YEATS2: variants seen among roughly 807,000 people sequenced by gnomAD.
YEATS2 encodes YEATS domain-containing protein 2.
Under a neutral mutation model 163.2 loss-of-function variants are expected in YEATS2, and 77 were observed. That is an observed-to-expected ratio of 0.47 (90% confidence interval 0.39 to 0.57). The LOEUF (loss-of-function observed/expected upper bound fraction) is 0.57, where lower values mean the gene tolerates loss of function less well. YEATS2 is among the 20% of genes least tolerant of loss of function. YEATS2 has a pLI of 0.00. For missense variants in YEATS2, 1,549 were observed against 1,729.8 expected (o/e 0.90, Z 1.85); for synonymous variants, 631 against 645.1 (o/e 0.98, Z 0.33).
chr3:183,762,411 T>C, intron 15 of YEATS2, 132 bp downstream of exon 15: 1 of 1,130,292 alleles, frequency 8.8e-7, no homozygotes, highest in African/African-American at 1.6e-5. Flanking sequence ...AAAGCCTAGT[T>C]GGAAAAACAA....
chr3:183,799,821 T>G (rs1170976254), intron 23 of YEATS2, among the ~76,000 whole-genome samples: 3 of 150,980 alleles, frequency 2.0e-5, no homozygotes, highest in African/African-American at 4.9e-5. Flanking sequence ...AGCATTGTTT[T>G]TTTTTTTTTT....
chr3:183,749,731 T>C (rs968917212), intron 9 of YEATS2, among the ~76,000 whole-genome samples: 2 of 152,184 alleles, frequency 1.3e-5, no homozygotes, highest in Non-Finnish European at 1.5e-5. Context: ...CCTCCTGGGC[T>C]CAAGTAATCT....
chr3:183,763,410 A>G (rs1721579822), intron 15 of YEATS2, among the ~76,000 whole-genome samples: 4 of 152,240 alleles, frequency 2.6e-5, no homozygotes, highest in Admixed American at 2.6e-4. Flanking sequence ...CACTGTTAAT[A>G]TATGCAGTCT....
At chr3:183,791,859 G>C (rs569737475) in intron 21 of YEATS2, among the ~76,000 whole-genome samples, 1 of 152,312 alleles carries the variant, frequency 6.6e-6, no homozygotes, top group Admixed American at 6.5e-5. Context: ...GAGTAACAGA[G>C]AGCACACATC....
At chr3:183,744,937 A>G (rs1243907683) in intron 8 of YEATS2, among the ~76,000 whole-genome samples, 1 of 151,866 alleles carries the variant, frequency 6.6e-6, no homozygotes, top group Admixed American at 6.6e-5. Flanking sequence ...TGCAACCTCT[A>G]CCTTCTGGGC....
At chr3:183,738,244 A>G (rs1459827598) in intron 8 of YEATS2, among the ~76,000 whole-genome samples, 1 of 152,136 alleles carries the variant, frequency 6.6e-6, no homozygotes, top group Admixed American at 6.6e-5. Context: ...CAAGTGTTGA[A>G]GTAGAAGGAA....
chr3:183,738,016 T>C (rs1366301158), intron 8 of YEATS2, among the ~76,000 whole-genome samples: 4 of 152,168 alleles, frequency 2.6e-5, no homozygotes, highest in African/African-American at 9.7e-5. Context: ...TAAATCTGTT[T>C]TGATGATCCT....
At chr3:183,757,206 A>G (rs1005091515) in intron 12 of YEATS2, among the ~76,000 whole-genome samples, 2 of 152,168 alleles carry the variant, frequency 1.3e-5, no homozygotes, top group African/African-American at 4.8e-5. Context: ...CTGTAATCCC[A>G]TGCTTTTTAG....
chr3:183,728,954 T>A, intron 7 of YEATS2, 103 bp downstream of exon 7: 1 of 1,267,260 alleles, frequency 7.9e-7, no homozygotes, highest in Non-Finnish European at 1.1e-6. Flanking sequence ...AATGCAGTAG[T>A]AATTGAGAAT....
intron 22 of YEATS2, 106 bp from the exon 23 acceptor site, chr3:183,798,785 C>G: frequency 1.2e-6 from 1 of 845,022 alleles, no homozygotes; most frequent in Non-Finnish European, 2.0e-6. Context: ...CCTCAAGTTG[C>G]CTTTGTGCTG....
At position 183,712,341 on chromosome 3, in the gene YEATS2, T is replaced by C. The variant is rs1577038182; in HGVS notation, c.-19-2803T>C. Among the ~76,000 whole-genome samples the C allele has an allele frequency of 2.0e-5, 3 of 151,746 alleles. No individual in the cohort carries two copies. The South Asian group carries it at 6.3e-4, about 32-fold the overall frequency. On this transcript the variant is annotated intron_variant, in intron 1 of 30. Coordinates refer to ENST00000305135, the MANE Select transcript of YEATS2 (RefSeq NM_018023.5). ...CTCATGCCTCAGCGTCCTGAGTAGC[T>C]GGGATTACTGGCATGAGCCACCATG...
At chr3:183,795,455 ATTTTTT>A (rs573338439) in intron 21 of YEATS2, among the ~76,000 whole-genome samples, 3 of 79,936 alleles carry the variant, frequency 3.8e-5, no homozygotes, top group Middle Eastern at 8.8e-3. Context: ...CACGGGACTA[ATTTTTT>A]TTTTTTTTTT....
chr3:183,706,561 T>G (rs939118192), intron 1 of YEATS2, among the ~76,000 whole-genome samples: 13 of 152,230 alleles, frequency 8.5e-5, no homozygotes, highest in African/African-American at 2.4e-4. Flanking sequence ...TTATTAAGAT[T>G]AGTGGAGCAC....
At chr3:183,782,018 T>C (rs145418682) in intron 19 of YEATS2, among the ~76,000 whole-genome samples, 45 of 152,358 alleles carry the variant, frequency 3.0e-4, no homozygotes, top group African/African-American at 1.0e-3. Context: ...TAGTCTTTTA[T>C]GTCTGGCTTC....
intron 1 of YEATS2, among the ~76,000 whole-genome samples, chr3:183,704,604 A>G (rs1714430833): frequency 1.3e-5 from 2 of 152,046 alleles, no homozygotes; most frequent in South Asian, 4.2e-4. Flanking sequence ...GACTTTCTTC[A>G]TATCTTACTG....
chr3:183,762,034 T>C, intron 14 of YEATS2, 63 bp from the exon 15 acceptor site: 3 of 1,605,194 alleles, frequency 1.9e-6, no homozygotes, highest in South Asian at 1.1e-5. Context: ...AGTCAGATAT[T>C]AGCAGCTTTA....
chr3:183,698,149 G>T (rs571775090), intron 1 of YEATS2, among the ~76,000 whole-genome samples, 156 bp downstream of exon 1: 2 of 152,034 alleles, frequency 1.3e-5, no homozygotes, highest in African/African-American at 4.8e-5. Flanking sequence ...GCCGAGGGGA[G>T]GGCAGGGAGG....
rs754762272 is a variant in YEATS2 at position 183,715,250 on chromosome 3, A to G, written c.88A>G (p.Ile30Val). Residue 30 changes from isoleucine (I) to valine (V), a missense_variant, in exon 2 of 31, where the codon ATT (isoleucine) becomes GTT (valine). Transcript: ENST00000305135. ...CCTTCCAAATAAGCGGCATAAAGCA[A>G]TTGAGAATTCAGGTAGAAATCCTGC... is the stretch of plus-strand genomic sequence containing the variant. ...VALPNKRHKAIENSARDAAVQ... is the reference protein window; with the variant it reads ...VALPNKRHKAVENSARDAAVQ... The G allele has an allele frequency of 6.2e-7, 1 of 1,607,944 alleles. No individual in the cohort carries two copies. The highest frequency in any genetic ancestry group is 8.5e-7 in the Non-Finnish European group (1 of 1,178,682).
At chr3:183,774,425 C>T (rs1215582094) in intron 17 of YEATS2, among the ~76,000 whole-genome samples, 1 of 152,144 alleles carries the variant, frequency 6.6e-6, no homozygotes, top group Admixed American at 6.5e-5. Flanking sequence ...AAACCACCCC[C>T]CGCCTCCTGT....
Sources: gnomAD v4.1 joint callset for allele counts (sites outside exome capture counted in the v4.1 genomes callset) on GRCh38, gnomAD v4.1.1 for gene constraint, MANE v1.5 for transcripts, NCBI Gene and HGNC (gene_info 2026-07-23, HGNC 2026-07-21) for gene names.